The following FSTL4 variants were observed in gnomAD, a reference collection of about 807,000 sequenced individuals.
The protein encoded by FSTL4 is follistatin like 4.
In FSTL4, 28 loss-of-function variants were observed where a neutral mutation model predicts 78.2. That is an observed-to-expected ratio of 0.36 (90% confidence interval 0.27 to 0.49). FSTL4 has a LOEUF of 0.49. FSTL4 is among the 20% of genes least tolerant of loss of function. The pLI, the probability that FSTL4 is intolerant of heterozygous loss-of-function variation, is 0.98. For missense variants in FSTL4, 922 were observed against 1,084.9 expected (o/e 0.85, Z 2.11); for synonymous variants, 422 against 440.5 (o/e 0.96, Z 0.53).
chr5:133,652,685 C>T, the FSTL4 span, among the ~76,000 whole-genome samples: 1 of 152,170 alleles, frequency 6.6e-6, no homozygotes, highest in South Asian at 2.1e-4. Flanking sequence ...AGAAAGTAGT[C>T]TATCTTCATG....
intron 6 of FSTL4, among the ~76,000 whole-genome samples, chr5:133,264,513 T>C (rs1349135909): frequency 6.6e-6 from 1 of 152,156 alleles, no homozygotes; most frequent in Non-Finnish European, 1.5e-5. Context: ...TCACCTGCCG[T>C]TCCTGGTGGT....
At chr5:133,392,185 T>C (rs1190805632) in intron 4 of FSTL4, among the ~76,000 whole-genome samples, 1 of 151,988 alleles carries the variant, frequency 6.6e-6, no homozygotes, top group Non-Finnish European at 1.5e-5. Context: ...CAGGAGATGA[T>C]GGTGGGATGG....
the FSTL4 span, among the ~76,000 whole-genome samples, chr5:133,708,229 C>A: frequency 1.3e-5 from 2 of 151,846 alleles, no homozygotes; most frequent in African/African-American, 4.8e-5. Context: ...GGACTCAGTT[C>A]ATTAAAGACG....
At chr5:133,822,111 T>C in the FSTL4 span, among the ~76,000 whole-genome samples, 1 of 152,234 alleles carries the variant, frequency 6.6e-6, no homozygotes, top group African/African-American at 2.4e-5. Context: ...CTTAGAATTA[T>C]GTCTTTGATG....
chr5:133,522,436 C>T (rs1758999877), intron 3 of FSTL4, among the ~76,000 whole-genome samples: 1 of 152,194 alleles, frequency 6.6e-6, no homozygotes, highest in Admixed American at 6.5e-5. Context: ...ATAAAAAATG[C>T]AACTCTTATC....
chr5:133,639,930 A>G, the FSTL4 span, among the ~76,000 whole-genome samples: 35 of 152,334 alleles, frequency 2.3e-4, no homozygotes, highest in South Asian at 7.3e-3. Flanking sequence ...AGCCAAGAAC[A>G]AAAAAAGAGT....
the FSTL4 span, among the ~76,000 whole-genome samples, chr5:133,707,554 G>C: frequency 6.6e-6 from 1 of 152,266 alleles, no homozygotes; most frequent in African/African-American, 2.4e-5. Context: ...AGGAACAGGA[G>C]CCTGGAGCCC....
intron 11 of FSTL4, among the ~76,000 whole-genome samples, chr5:133,222,640 T>G (rs987151937): frequency 6.6e-6 from 1 of 152,198 alleles, no homozygotes; most frequent in African/African-American, 2.4e-5. Context: ...GTGCAGTACC[T>G]TGGCCTTGCT....
At chr5:133,224,144 A>T (rs769017970) in intron 11 of FSTL4, 46 bp downstream of exon 11, 37 of 1,563,666 alleles carry the variant, frequency 2.4e-5, no homozygotes, top group Non-Finnish European at 3.2e-5. Context: ...CATAGAACCA[A>T]ACACACGTGA....
At chr5:133,480,947 C>T (rs1439404355) in intron 3 of FSTL4, among the ~76,000 whole-genome samples, 3 of 152,182 alleles carry the variant, frequency 2.0e-5, no homozygotes, top group South Asian at 4.1e-4. Context: ...CCGCACATCA[C>T]ATTTACGGCC....
intron 3 of FSTL4, among the ~76,000 whole-genome samples, chr5:133,494,628 C>T (rs1381789289): frequency 3.9e-5 from 6 of 152,230 alleles, no homozygotes; most frequent in Admixed American, 2.6e-4. Flanking sequence ...GGATTCCTAT[C>T]ATAGGTTTTG....
the FSTL4 span, among the ~76,000 whole-genome samples, chr5:133,633,348 A>G: frequency 3.3e-5 from 5 of 152,118 alleles, no homozygotes; most frequent in Admixed American, 6.6e-5. Context: ...TGGGCAATAT[A>G]TTGTTCTATC....
intron 3 of FSTL4, among the ~76,000 whole-genome samples, chr5:133,457,382 G>C (rs1040906221): frequency 4.6e-5 from 7 of 152,164 alleles, no homozygotes; most frequent in Non-Finnish European, 1.0e-4. Context: ...AGGATATCAC[G>C]GGCCTTCTGG....
At chr5:133,763,097 T>C in the FSTL4 span, among the ~76,000 whole-genome samples, 24 of 152,332 alleles carry the variant, frequency 1.6e-4, no homozygotes, top group Admixed American at 8.5e-4. Flanking sequence ...TCAGGAGTCC[T>C]AGGAATGCTG....
the FSTL4 span, among the ~76,000 whole-genome samples, chr5:133,679,420 C>A: frequency 6.6e-6 from 1 of 152,160 alleles, no homozygotes; most frequent in Non-Finnish European, 1.5e-5. Flanking sequence ...GCCATGCTAA[C>A]TCCTTTTTGC....
In FSTL4 at chr5:133,198,986, C is replaced by T. The variant is rs139750390; in HGVS notation, c.*109G>A. ...AGGAGACCAGTGTTGAACCACAAAG[C>T]GAGTACAGGTTTTTGCTTTTGTCTG... On this transcript the variant is annotated 3_prime_UTR_variant, in exon 16 of 16. Coordinates refer to ENST00000265342, the MANE Select transcript of FSTL4 (RefSeq NM_015082.2). 33 of 632,184 alleles carry T rather than the reference C, an allele frequency of 5.2e-5. No homozygotes were observed. Among genetic ancestry groups the T allele is most frequent in the Non-Finnish European group, 7.2e-5 (27 of 373,248 alleles). The allele number at this position is 632,184 out of a possible 1,614,324, so 39.2% of individuals were successfully genotyped here.
At chr5:133,633,168 T>C in the FSTL4 span, among the ~76,000 whole-genome samples, 1 of 152,214 alleles carries the variant, frequency 6.6e-6, no homozygotes, top group Non-Finnish European at 1.5e-5. Context: ...CTTGAATGTG[T>C]AGATTGAGTC....
the FSTL4 span, among the ~76,000 whole-genome samples, chr5:133,798,433 G>A: frequency 6.6e-6 from 1 of 151,488 alleles, no homozygotes; most frequent in Non-Finnish European, 1.5e-5. Context: ...TATCATTGTG[G>A]ACAAATGAAC....
At chr5:133,818,186 C>A in the FSTL4 span, among the ~76,000 whole-genome samples, 1 of 152,330 alleles carries the variant, frequency 6.6e-6, no homozygotes, top group Non-Finnish European at 1.5e-5. Flanking sequence ...CAGCATGCTC[C>A]AGGTCCCAGA....
Sources: allele counts gnomAD v4.1 joint callset (sites outside exome capture counted in the v4.1 genomes callset), GRCh38; gene constraint gnomAD v4.1.1; transcripts MANE v1.5; gene names NCBI Gene and HGNC (gene_info 2026-07-23, HGNC 2026-07-21).